VRK3: variants seen among roughly 807,000 people sequenced by gnomAD.
VRK3 encodes the protein VRK serine/threonine kinase 3, also known as serine/threonine-protein kinase VRK3.
In VRK3, 50 loss-of-function variants were observed where a neutral mutation model predicts 60.4. That is an observed-to-expected ratio of 0.83 (90% CI 0.66 to 1.05). The LOEUF (loss-of-function observed/expected upper bound fraction) is 1.05. VRK3 is among the 50% of genes least tolerant of loss of function. The pLI, the probability that VRK3 is intolerant of heterozygous loss-of-function variation, is 0.00. For synonymous variants in VRK3, 246 were observed against 227.8 expected, an observed-to-expected ratio of 1.08 and a Z score of -0.72; for missense variants, 549 against 585.3, an observed-to-expected ratio of 0.94 and a Z score of 0.64.
At chr19:49,997,829 C>T (rs943155877) in intron 6 of VRK3, 11 of 377,686 alleles carry the variant, frequency 2.9e-5, no homozygotes, top group South Asian at 2.4e-4. Flanking sequence ...ATAAAAACTA[C>T]GTTTCCCAGC....
At chr19:49,990,026 A>ATT (rs896796134) in intron 10 of VRK3, among the ~76,000 whole-genome samples, 2 of 148,114 alleles carry the variant, frequency 1.4e-5, no homozygotes, top group African/African-American at 5.0e-5. Flanking sequence ...TCATTCCAAA[A>ATT]TTTTTTTTTT....
At chr19:50,007,867 G>A (rs773733583) in intron 4 of VRK3, 41 bp from the exon 5 acceptor site, 2 of 1,608,196 alleles carry the variant, frequency 1.2e-6, no homozygotes, top group Non-Finnish European at 1.7e-6. Context: ...CACCATCCAG[G>A]AGAGAAAAGT....
intron 5 of VRK3, among the ~76,000 whole-genome samples, chr19:50,006,382 ATT>A (rs201998359): frequency 4.5e-4 from 67 of 147,744 alleles, no homozygotes; most frequent in African/African-American, 1.6e-3. Flanking sequence ...TCACTGAATA[ATT>A]TTTTTTTTTG....
chr19:49,994,259 T>C (rs1454812885), intron 9 of VRK3, among the ~76,000 whole-genome samples: 4 of 152,240 alleles, frequency 2.6e-5, no homozygotes, highest in East Asian at 1.9e-4. Flanking sequence ...TGATTCACTA[T>C]TGGCCCCTCC....
At chr19:50,022,514 G>A (rs1472744508) in intron 1 of VRK3, among the ~76,000 whole-genome samples, 4 of 152,040 alleles carry the variant, frequency 2.6e-5, no homozygotes, top group African/African-American at 4.8e-5. Context: ...GGTCGGACAC[G>A]GTGGCTCACG....
chr19:50,007,395 T>G (rs2076914350), intron 5 of VRK3, among the ~76,000 whole-genome samples, 174 bp downstream of exon 5: 1 of 152,174 alleles, frequency 6.6e-6, no homozygotes, highest in Non-Finnish European at 1.5e-5. Context: ...ATTCCCACTA[T>G]TGCCCGGCCC....
At chr19:50,023,144 C>T (rs116739072) in intron 1 of VRK3, among the ~76,000 whole-genome samples, 3,104 of 152,324 alleles carry the variant, frequency 0.02, 104 homozygotes, top group African/African-American at 0.071. Flanking sequence ...GTTCAAATGT[C>T]ACCTTCTCAG....
At chr19:49,996,174 C>G (rs531044858) in intron 7 of VRK3, among the ~76,000 whole-genome samples, 1 of 152,210 alleles carries the variant, frequency 6.6e-6, no homozygotes, top group South Asian at 2.1e-4. Context: ...CCCGCCTCGG[C>G]CTCCCAAAGT....
chr19:49,991,535 G>A (rs59511347), intron 10 of VRK3, among the ~76,000 whole-genome samples: 8,547 of 149,654 alleles, frequency 0.057, 808 homozygotes, highest in African/African-American at 0.2. Flanking sequence ...ACACACACAC[G>A]CACACACACA....
intron 14 of VRK3, chr19:49,978,552 A>C (rs1387003400): frequency 2.0e-5 from 3 of 153,598 alleles, no homozygotes; most frequent in African/African-American, 7.2e-5. Flanking sequence ...AAAATCTGGG[A>C]AACTAAGCAA....
intron 6 of VRK3, chr19:49,997,856 A>C: frequency 3.4e-6 from 1 of 296,170 alleles, no homozygotes; most frequent in Non-Finnish European, 6.4e-6. Context: ...TGCAGTGAGG[A>C]CTGACCACAT....
chr19:49,990,561 TG>T (rs2076593234), intron 10 of VRK3, among the ~76,000 whole-genome samples: 1 of 151,772 alleles, frequency 6.6e-6, no homozygotes, highest in Non-Finnish European at 1.5e-5. Context: ...TTTGTAAAGA[TG>T]GGGTTTTGCC....
At chr19:49,995,345 C>CA in intron 7 of VRK3, 70 bp from the exon 8 acceptor site, 6 of 1,450,332 alleles carry the variant, frequency 4.1e-6, no homozygotes, top group Non-Finnish European at 5.8e-6. Context: ...AGCTAGTTCT[C>CA]AGAGAAGAAG....
Position 49,979,174 on chromosome 19 carries a change from G to A in VRK3, c.1345C>T (p.Leu449=). 2.5e-6 allele frequency: 4 copies of A among 1,614,156 alleles called. No individual in the cohort carries two copies. Among genetic ancestry groups the A allele is most frequent in the Non-Finnish European group, 3.4e-6 (4 of 1,180,024 alleles). The change falls in exon 14 of 15, where the codon CTG becomes TTG. Residue 449 remains leucine (L), a synonymous_variant. Transcript: ENST00000316763. ...AGCAAAGCTTCTAGGTTGTTCCTCA[G>A]CATGGCGTAGGGCGGCTTCTCCTCA... ...TYEEKPPYAM[L]RNNLEALLQD...
In VRK3 at chr19:49,989,797, A is replaced by G. The variant is rs2304111; in HGVS notation, c.964-26T>C. 3,968 of 1,585,314 alleles carry G rather than the reference A, an allele frequency of 2.5e-3. 81 individuals carry two copies. In the East Asian group the frequency reaches 0.055, roughly 22 times the overall value. On this transcript the variant is annotated intron_variant, in intron 10 of 14. Transcript: ENST00000316763. ...CTGTGGACACAGGGAAAAGCCATACAGATTGGAGGTTAGGAGCGTAGAAGT... is the reference window on the plus strand; with the variant it reads ...CTGTGGACACAGGGAAAAGCCATACGGATTGGAGGTTAGGAGCGTAGAAGT...
intron 5 of VRK3, among the ~76,000 whole-genome samples, chr19:50,004,190 T>A (rs1211079129): frequency 6.6e-6 from 1 of 152,168 alleles, no homozygotes; most frequent in Non-Finnish European, 1.5e-5. Flanking sequence ...GCTTCCACTG[T>A]GGGTTTCTGG....
rs561121336 is a variant in VRK3, at chr19:50,007,821, C to T, written c.295G>A (p.Gly99Arg). 1.4e-5 allele frequency: 22 copies of T among 1,614,122 alleles called. No homozygotes were observed. Among genetic ancestry groups the T allele is most frequent in the South Asian group, 9.9e-5 (9 of 91,082 alleles). The change falls in exon 5 of 15, where the codon GGG (glycine) becomes AGG (arginine). Residue 99 changes from glycine to arginine, a missense_variant. Gly to Arg is a moderately radical substitution (Grantham distance 125). Transcript: ENST00000316763. ...LSSSERSKGS[G>R]SRPPTPKSSP... The stretch of plus-strand genomic sequence containing the variant: ...CTTTTGGGGGTTGGGGGTCTGCTCC[C>T]GGAGCCTGCAGGAGGATGTAAGAAT...
rs148292585 is a variant in VRK3 at position 49,989,821 on chromosome 19, G to A, written c.964-50C>T. 10,241 of 1,520,068 alleles carry A rather than the reference G, an allele frequency of 6.7e-3. 46 individuals carry two copies. The highest frequency in any genetic ancestry group is 8.1e-3 in the Non-Finnish European group (9,171 of 1,125,748). 94.2% of individuals were successfully genotyped at this position (1,520,068 alleles called of 1,614,324 possible). On this transcript the variant is annotated intron_variant, in intron 10 of 14. Transcript: ENST00000316763. ...CAGATTGGAGGTTAGGAGCGTAGAA[G>A]TCAGAGATTTCCATCGTGGGTGCAA...
chr19:50,000,773 C>G lies in VRK3; in HGVS notation c.612+17G>C, dbSNP rs748901833. ...TCCCTCCCCTCCAAGCTGCCCCCCACCTGCAGGGTCACTTACCAGTTTGAG... is the reference window on the plus strand; with the variant it reads ...TCCCTCCCCTCCAAGCTGCCCCCCAGCTGCAGGGTCACTTACCAGTTTGAG... On this transcript the variant is annotated intron_variant, in intron 6 of 14. Coordinates refer to ENST00000316763, the MANE Select transcript of VRK3 (RefSeq NM_016440.4). 6.2e-7 allele frequency: 1 copy of G among 1,608,638 alleles called. No individual in the cohort carries two copies. Among genetic ancestry groups the G allele is most frequent in the Non-Finnish European group, 8.5e-7 (1 of 1,177,524 alleles).
Sources: allele counts gnomAD v4.1 joint callset (sites outside exome capture counted in the v4.1 genomes callset), GRCh38; gene constraint gnomAD v4.1.1; transcripts MANE v1.5; gene names NCBI Gene and HGNC (gene_info 2026-07-23, HGNC 2026-07-21).